The following HOXD10 variants were observed in gnomAD, a reference collection of about 807,000 sequenced individuals.
HOXD10 encodes the protein homeobox protein Hox-D10.
HOXD10 carries 15 observed loss-of-function variants against 27.0 expected under a neutral mutation model. The observed-to-expected ratio is 0.56, with a 90% confidence interval of 0.37 to 0.85. The LOEUF is 0.85. Ranked by LOEUF, HOXD10 falls within the 40% of genes least tolerant of loss-of-function variation. The pLI, the probability that HOXD10 is intolerant of heterozygous loss-of-function variation, is 0.00. For missense variants in HOXD10, 440 were observed against 430.4 expected, an observed-to-expected ratio of 1.02 and a Z score of -0.20; for synonymous variants, 178 against 160.9, an observed-to-expected ratio of 1.11 and a Z score of -0.80.
rs1001473603 is a variant in HOXD10 at position 176,119,826 on chromosome 2, C to G, written c.*595C>G. 3.3e-5 allele frequency: 5 copies of G among 152,526 alleles called. No homozygotes were observed. Among genetic ancestry groups the G allele is most frequent in the African/African-American group, 1.2e-4 (5 of 41,398 alleles). The allele number at this position is 152,526 out of a possible 1,614,324, so 9.4% of individuals were successfully genotyped here. On this transcript the variant is annotated 3_prime_UTR_variant, in exon 2 of 2. Coordinates refer to ENST00000249501, the MANE Select transcript of HOXD10 (RefSeq NM_002148.4). Reference sequence around the variant, plus strand: ...GAGATGGGATATTGGCGATTTATGCCTTGTAGCCTTTCCCTTGTGGTGCAT... The same window carrying G: ...GAGATGGGATATTGGCGATTTATGCGTTGTAGCCTTTCCCTTGTGGTGCAT...
chr2:176,118,483 G>C (rs1430438252), intron 1 of HOXD10, among the ~76,000 whole-genome samples: 1 of 152,216 alleles, frequency 6.6e-6, no homozygotes, highest in Non-Finnish European at 1.5e-5. Flanking sequence ...GACTGCCTAG[G>C]AGAGGTGGGG....
rs202083006 is a variant in HOXD10, at chr2:176,116,821, A to T, written c.-13A>T. On this transcript the variant is annotated 5_prime_UTR_variant, in exon 1 of 2. Coordinates refer to ENST00000249501, the MANE Select transcript of HOXD10 (RefSeq NM_002148.4). ...AAAGGACACAATCTCTCTTCTTCAA[A>T]TTCTTCCCCAAAATGTCCTTTCCCA... The T allele has an allele frequency of 2.5e-6, 4 of 1,613,384 alleles. No individual in the cohort carries two copies. Among genetic ancestry groups the T allele is most frequent in the Non-Finnish European group, 2.5e-6 (3 of 1,179,346 alleles).
chr2:176,118,852 A>AAAAACG (rs1221809508), intron 1 of HOXD10, 102 bp from the exon 2 acceptor site: 2 of 1,101,024 alleles, frequency 1.8e-6, no homozygotes. Context: ...AGAAAAAAAC[A>AAAAACG]AAAACGAAAA....
intron 1 of HOXD10, among the ~76,000 whole-genome samples, chr2:176,117,979 C>G (rs988266487): frequency 1.3e-5 from 2 of 152,186 alleles, no homozygotes; most frequent in African/African-American, 4.8e-5. Flanking sequence ...GCACCGTGTT[C>G]GTGTTCAAGT....
Position 176,118,949 on chromosome 2 carries a change from G to C in HOXD10, c.746-5G>C. ...TTTTTCTTCTTCTCCCTTTAATTTT[G>C]TTAGAGGAAATCAAGTCTGATACAC... On this transcript the variant is annotated splice_polypyrimidine_tract_variant and splice_region_variant and intron_variant, in intron 1 of 1. Coordinates refer to ENST00000249501, the MANE Select transcript of HOXD10 (RefSeq NM_002148.4). 6.2e-7 allele frequency: 1 copy of C among 1,610,326 alleles called. No individual in the cohort carries two copies. The highest frequency in any genetic ancestry group is 8.5e-7 in the Non-Finnish European group (1 of 1,177,300).
In HOXD10 at chr2:176,119,307, G is replaced by A. The variant is rs558709855; in HGVS notation, c.*76G>A. The A allele has an allele frequency of 6.8e-7, 1 of 1,467,438 alleles. No homozygotes were observed. The highest frequency in any genetic ancestry group is 9.4e-7 in the Non-Finnish European group (1 of 1,058,678). The allele number at this position is 1,467,438 out of a possible 1,614,324, so 90.9% of individuals were successfully genotyped here. On this transcript the variant is annotated 3_prime_UTR_variant, in exon 2 of 2. Coordinates refer to ENST00000249501, the MANE Select transcript of HOXD10 (RefSeq NM_002148.4). ...CCGCGTTCCAGGGCCCAGTGCTGGA[G>A]GACTGGGAAAGCGGAAACAAAACCT...
chr2:176,119,257 A>G lies in HOXD10; in HGVS notation c.*26A>G. 1 of 1,607,862 alleles carries G rather than the reference A, an allele frequency of 6.2e-7. No individual in the cohort carries two copies. The highest frequency in any genetic ancestry group is 8.5e-7 in the Non-Finnish European group (1 of 1,176,632). ...GTCTGAGGCCGGTCTGAGGCCGGTCAGAGGCCAGGATTGGAGAGGGGGCAC... is the reference window on the plus strand; with the variant it reads ...GTCTGAGGCCGGTCTGAGGCCGGTCGGAGGCCAGGATTGGAGAGGGGGCAC... On this transcript the variant is annotated 3_prime_UTR_variant, in exon 2 of 2. Transcript: ENST00000249501.
In HOXD10 at chr2:176,119,464, T is replaced by TATATATATATATATATATA. The variant is rs886055159; in HGVS notation, c.*234_*235insTATATATATATATATATAA. 2.7e-5 allele frequency: 4 copies of TATATATATATATATATATA among 145,760 alleles called. No individual in the cohort carries two copies. Among genetic ancestry groups the TATATATATATATATATATA allele is most frequent in the Non-Finnish European group, 5.7e-5 (4 of 70,368 alleles). 9.0% of individuals were successfully genotyped at this position (145,760 alleles called of 1,614,324 possible). A position where few individuals can be genotyped will look rare whatever the true frequency, so the allele number is the denominator to read the frequency against. ...ATATATATATATATATATATATATA[T>TATATATATATATATATATA]AAAAACTTAGCACGTGTAATTTATT... On this transcript the variant is annotated 3_prime_UTR_variant, in exon 2 of 2. Transcript: ENST00000249501.
rs143111542 is a variant in HOXD10 at position 176,117,439 on chromosome 2, C to T, written c.606C>T (p.Asn202=). Residue 202 remains asparagine, a synonymous_variant, in exon 1 of 2, where the codon AAC becomes AAT. Coordinates refer to ENST00000249501, the MANE Select transcript of HOXD10 (RefSeq NM_002148.4). ...AGCTGCAGATGGAAAAGAAGATGAACGAGCCCGTGAGCGGCCAGGAGCCCA... is the reference window on the plus strand; with the variant it reads ...AGCTGCAGATGGAAAAGAAGATGAATGAGCCCGTGAGCGGCCAGGAGCCCA... ...AAQLQMEKKM[N]EPVSGQEPTK... 6.2e-7 allele frequency: 1 copy of T among 1,613,190 alleles called. No individual in the cohort carries two copies. The highest frequency in any genetic ancestry group is 1.1e-5 in the South Asian group (1 of 91,086).
Position 176,119,023 on chromosome 2 carries a change from C to T in HOXD10, c.815C>T (p.Pro272Leu). 1 of 1,613,772 alleles carries T rather than the reference C, an allele frequency of 6.2e-7. No homozygotes were observed. Among genetic ancestry groups the T allele is most frequent in the Non-Finnish European group, 8.5e-7 (1 of 1,179,806 alleles). ...AAGAGTGGCAGAAAGAAGAGGTGCC[C>T]TTACACTAAGCACCAAACGCTGGAA... ...TAKSGRKKRC[P>L]YTKHQTLELE... The change falls in exon 2 of 2, where the codon CCT becomes CTT. Residue 272 changes from proline (P) to leucine (L), a missense_variant. Coordinates refer to ENST00000249501, the MANE Select transcript of HOXD10 (RefSeq NM_002148.4).
At chr2:176,117,639 G>C in intron 1 of HOXD10, 61 bp downstream of exon 1, 2 of 1,583,800 alleles carry the variant, frequency 1.3e-6, no homozygotes, top group South Asian at 1.1e-5. Flanking sequence ...CGGCAGAGAG[G>C]GAGTGCCGGG....
rs1009944095 is a variant in HOXD10, at chr2:176,119,563, GCATC to G, written c.*351_*354del. 3 of 151,998 alleles carry G rather than the reference GCATC, an allele frequency of 2.0e-5. No homozygotes were observed. Among genetic ancestry groups the G allele is most frequent in the East Asian group, 1.6e-4 (1 of 6,114 alleles). 9.4% of individuals were successfully genotyped at this position (151,998 alleles called of 1,614,324 possible). On this transcript the variant is annotated 3_prime_UTR_variant, in exon 2 of 2. Transcript: ENST00000249501. ...GGTCTTAACTTATTGGAACTGTAGA[GCATC>G]CATCCATCCATCCATCCAGCAATGT... is the stretch of plus-strand genomic sequence containing the variant.
Position 176,117,491 on chromosome 2 carries a change from GA to G in HOXD10, c.659del (p.Glu220GlyfsTer62). On this transcript the variant is annotated frameshift_variant, in exon 1 of 2. Transcript: ENST00000249501. LOFTEE classifies it high-confidence loss of function. ...CAAAGTCTCCCAGGTGGAGAGCCCCGAGGCCAAAGGCGGCCTTCCCGAAGAG... is the reference window on the plus strand; with the variant it reads ...CAAAGTCTCCCAGGTGGAGAGCCCCGGGCCAAAGGCGGCCTTCCCGAAGAG... ...PTKVSQVESPEAKGGLPEERS... is the reference protein window; with the variant it reads ...PTKVSQVESPXAKGGLPEERS... 4 of 1,613,168 alleles carry G rather than the reference GA, an allele frequency of 2.5e-6. No homozygotes were observed. Among genetic ancestry groups the G allele is most frequent in the Non-Finnish European group, 3.4e-6 (4 of 1,180,022 alleles).
At position 176,119,362 on chromosome 2, in the gene HOXD10, A is replaced by G; in HGVS notation, c.*131A>G. 16 of 1,029,376 alleles carry G rather than the reference A, an allele frequency of 1.6e-5. No homozygotes were observed. The South Asian group carries it at 2.2e-4, about 14-fold the overall frequency. 63.8% of individuals were successfully genotyped at this position (1,029,376 alleles called of 1,614,324 possible). ...CGCTCTTTGTTTGTTGTTTTGTTGT[A>G]TTTTGTTTTCCTGCTAGAATGTGAC... On this transcript the variant is annotated 3_prime_UTR_variant, in exon 2 of 2. Coordinates refer to ENST00000249501, the MANE Select transcript of HOXD10 (RefSeq NM_002148.4).
At chr2:176,118,913 A>T in intron 1 of HOXD10, 41 bp from the exon 2 acceptor site, 1 of 1,555,006 alleles carries the variant, frequency 6.4e-7, no homozygotes, top group Non-Finnish European at 8.8e-7. Flanking sequence ...CAAACAAAAA[A>T]CCTCTTGATT....
In HOXD10 at chr2:176,117,192, G is replaced by T. The variant is rs758865109; in HGVS notation, c.359G>T (p.Arg120Leu). 9.3e-6 allele frequency: 15 copies of T among 1,613,680 alleles called. No individual in the cohort carries two copies. Among genetic ancestry groups the T allele is most frequent in the Non-Finnish European group, 1.3e-5 (15 of 1,179,586 alleles). The change falls in exon 1 of 2, where the codon CGC (arginine) becomes CTC (leucine). Residue 120 changes from arginine to leucine, a missense_variant. Arg to Leu is a moderately radical substitution (Grantham distance 102). Transcript: ENST00000249501. The stretch of plus-strand genomic sequence containing the variant: ...AATTGCTGCATGTATTCTGATAAGC[G>T]CAACAAACTCATTTCGGCCGAGGTC... ...ESNCCMYSDK[R>L]NKLISAEVPS...
At position 176,117,065 on chromosome 2, in the gene HOXD10, G is replaced by A. The variant is rs1332111784; in HGVS notation, c.232G>A (p.Val78Ile). The change falls in exon 1 of 2, where the codon GTA becomes ATA. Residue 78 changes from valine to isoleucine, a missense_variant. Coordinates refer to ENST00000249501, the MANE Select transcript of HOXD10 (RefSeq NM_002148.4). ...GMNVHPYIPQ[V>I]DSWTDPNRSC... ...GAATGTGCATCCTTATATACCTCAAGTAGACAGTTGGACAGATCCGAACAG... is the reference window on the plus strand; with the variant it reads ...GAATGTGCATCCTTATATACCTCAAATAGACAGTTGGACAGATCCGAACAG... The A allele has an allele frequency of 7.4e-6, 12 of 1,614,064 alleles. No homozygotes were observed. Among genetic ancestry groups the A allele is most frequent in the Non-Finnish European group, 1.0e-5 (12 of 1,180,052 alleles).
rs1349241671 is a variant in HOXD10 at position 176,116,997 on chromosome 2, C to G, written c.164C>G (p.Pro55Arg). 3 of 1,614,150 alleles carry G rather than the reference C, an allele frequency of 1.9e-6. No individual in the cohort carries two copies. Among genetic ancestry groups the G allele is most frequent in the Non-Finnish European group, 2.5e-6 (3 of 1,180,036 alleles). ...TYGMQTCGLL[P>R]SLAKREVNHQ... ...GGAATGCAAACCTGTGGACTGCTCCCGTCTCTGGCCAAAAGAGAAGTGAAC... is the reference window on the plus strand; with the variant it reads ...GGAATGCAAACCTGTGGACTGCTCCGGTCTCTGGCCAAAAGAGAAGTGAAC... The change falls in exon 1 of 2, where the codon CCG (proline) becomes CGG (arginine). Residue 55 changes from proline to arginine, a missense_variant. Transcript: ENST00000249501.
At chr2:176,117,680 G>A in intron 1 of HOXD10, 102 bp downstream of exon 1, 1 of 1,316,040 alleles carries the variant, frequency 7.6e-7, no homozygotes, top group South Asian at 1.2e-5. Flanking sequence ...GCCCGACTTG[G>A]CAGGTGCTGC....
Sources: gnomAD v4.1 joint callset for allele counts (sites outside exome capture counted in the v4.1 genomes callset) on GRCh38, gnomAD v4.1.1 for gene constraint, MANE v1.5 for transcripts, NCBI Gene and HGNC (gene_info 2026-07-23, HGNC 2026-07-21) for gene names.